KCNQ1: variants seen among roughly 807,000 people sequenced by gnomAD.
The protein encoded by KCNQ1 is potassium voltage-gated channel subfamily Q member 1.
In KCNQ1, 49 loss-of-function variants were observed where a neutral mutation model predicts 72.4. That is an observed-to-expected ratio of 0.68 (90% CI 0.54 to 0.86). The LOEUF (loss-of-function observed/expected upper bound fraction) is 0.86. Ranked by LOEUF, KCNQ1 falls within the 40% of genes least tolerant of loss-of-function variation. The probability of loss-of-function intolerance (pLI) is 0.00; values close to 1 mark genes in which losing one functional copy is unlikely to be tolerated. For missense variants in KCNQ1, 790 were observed against 945.1 expected (o/e 0.84, Z 2.15); for synonymous variants, 450 against 412.6 (o/e 1.09, Z -1.10).
Position 2,723,777 on chromosome 11 carries a change from G to T in KCNQ1, c.1515-45067G>T, listed in dbSNP as rs747385269. On this transcript the variant is annotated intron_variant, in intron 11 of 15. Transcript: ENST00000155840. The surrounding 1 kb of genome is among the most constrained non-coding windows in gnomAD (Gnocchi z 4.2). ...GGGGCCTCACTAACCGCTGGTGGCC[G>T]CAGGGTTCCCAGCCACTCGGTGCAC... is the stretch of plus-strand genomic sequence containing the variant. 1.3e-5 allele frequency among the ~76,000 whole-genome samples: 2 copies of T among 152,166 alleles called. No homozygotes were observed. The highest frequency in any genetic ancestry group is 4.8e-5 in the African/African-American group (2 of 41,432).
intron 2 of KCNQ1, among the ~76,000 whole-genome samples, chr11:2,531,048 G>A (rs1479197811): frequency 1.3e-5 from 2 of 152,170 alleles, no homozygotes; most frequent in Non-Finnish European, 2.9e-5. Context: ...AGCCAGGGCT[G>A]TCTGTCAGCA....
rs1053980781 is a variant in KCNQ1 at position 2,657,061 on chromosome 11, A to G, written c.1394-4900A>G. 12 of 398,478 alleles carry G rather than the reference A, an allele frequency of 3.0e-5. No individual in the cohort carries two copies. Among genetic ancestry groups the G allele is most frequent in the Admixed American group, 8.8e-5 (2 of 22,714 alleles). 24.7% of individuals were successfully genotyped at this position (398,478 alleles called of 1,614,324 possible). A position where few individuals can be genotyped will look rare whatever the true frequency, so the allele number is the denominator to read the frequency against. On this transcript the variant is annotated intron_variant, in intron 10 of 15. Coordinates refer to ENST00000155840, the MANE Select transcript of KCNQ1 (RefSeq NM_000218.3). The surrounding 1 kb of genome is among the most constrained non-coding windows in gnomAD (Gnocchi z 4.8). ...TGTGTGGGCTGTTTCCCAATGCTCA[A>G]TCCTGTCCCATTGGCCTATTTGTCT...
intron 10 of KCNQ1, chr11:2,639,483 AC>A (rs1218457885): frequency 6.6e-5 from 10 of 152,216 alleles, no homozygotes; most frequent in Admixed American, 6.6e-4. Flanking sequence ...TCCACTCCAG[AC>A]CCTGTTTGCC....
At chr11:2,469,996 T>C (rs529055930) in intron 1 of KCNQ1, among the ~76,000 whole-genome samples, 2 of 152,294 alleles carry the variant, frequency 1.3e-5, no homozygotes, top group Non-Finnish European at 1.5e-5. Flanking sequence ...GCGGTCTCAC[T>C]CTGTCGCCCA....
chr11:2,749,368 TCAGTCTGCAC>T (rs1337628919), intron 11 of KCNQ1, among the ~76,000 whole-genome samples: 1 of 151,984 alleles, frequency 6.6e-6, no homozygotes, highest in African/African-American at 2.4e-5. Context: ...TCAGTGTCAC[TCAGTCTGCAC>T]TGGGAATGGG....
Position 2,696,575 on chromosome 11 carries a change from A to C in KCNQ1, c.1514+34494A>C, listed in dbSNP as rs190538266. ...TTTTCTTCCACATACATTTTAGAAT[A>C]TGTTTGTTAAATTACTCAAGCCCTC... On this transcript the variant is annotated intron_variant, in intron 11 of 15. Transcript: ENST00000155840. 3.3e-4 allele frequency: 130 copies of C among 398,656 alleles called. No individual in the cohort carries two copies. The East Asian group carries it at 4.6e-3, about 14-fold the overall frequency. The allele number at this position is 398,656 out of a possible 1,614,324, so 24.7% of individuals were successfully genotyped here.
intron 10 of KCNQ1, chr11:2,641,542 T>C (rs1849577001): frequency 2.5e-6 from 1 of 398,532 alleles, no homozygotes; most frequent in East Asian, 3.6e-5. Flanking sequence ...ATTAGTACCT[T>C]GTCAGATGAG....
intron 10 of KCNQ1, chr11:2,640,940 G>T (rs1191922675): frequency 5.0e-5 from 20 of 398,856 alleles, no homozygotes; most frequent in Admixed American, 2.6e-4. Context: ...ATCTTTCTGT[G>T]CCTGGCTTAA....
intron 7 of KCNQ1, 121 bp downstream of exon 7, chr11:2,583,666 C>T: frequency 1.3e-6 from 1 of 760,192 alleles, no homozygotes; most frequent in Non-Finnish European, 2.4e-6. Flanking sequence ...TGCTTCCCTT[C>T]TAGAAGGTGC....
In KCNQ1 at chr11:2,669,297, C is replaced by T. The variant is rs1850139959; in HGVS notation, c.1514+7216C>T. 1.0e-5 allele frequency: 4 copies of T among 398,560 alleles called. No homozygotes were observed. In the South Asian group the frequency reaches 3.8e-4, roughly 38 times the overall value. 24.7% of individuals were successfully genotyped at this position (398,560 alleles called of 1,614,324 possible). ...CTTTGCAGGGTTTCTCCTCACCATA[C>T]ATATGCCAGTTGCCATGGAAAGCCT... On this transcript the variant is annotated intron_variant, in intron 11 of 15. Transcript: ENST00000155840. This position sits in a 1 kb window ranked among gnomAD's most constrained non-coding sequence, Gnocchi z 5.6.
intron 11 of KCNQ1, among the ~76,000 whole-genome samples, chr11:2,731,676 C>A (rs1590057852): frequency 6.6e-6 from 1 of 152,244 alleles, no homozygotes; most frequent in South Asian, 2.1e-4. Flanking sequence ...GCAGCGCACA[C>A]AGGAGGGCCT....
At chr11:2,561,919 C>T (rs1311508641) in intron 2 of KCNQ1, among the ~76,000 whole-genome samples, 1 of 152,064 alleles carries the variant, frequency 6.6e-6, no homozygotes, top group African/African-American at 2.4e-5. Context: ...TCACGGGCTG[C>T]ACGTTCCATG....
At chr11:2,693,932 G>A (rs555053144) in intron 11 of KCNQ1, 27 of 398,718 alleles carry the variant, frequency 6.8e-5, no homozygotes, top group African/African-American at 3.5e-4. Context: ...TCCGGTATCC[G>A]CTGAGAACCA....
chr11:2,760,292 C>T (rs1328386095), intron 11 of KCNQ1, among the ~76,000 whole-genome samples: 4 of 152,176 alleles, frequency 2.6e-5, no homozygotes, highest in Admixed American at 1.3e-4. Context: ...GGCAGGCGGG[C>T]GTGGAGGAGC....
intron 15 of KCNQ1, among the ~76,000 whole-genome samples, chr11:2,847,377 C>T (rs1035627768): frequency 6.6e-5 from 10 of 152,228 alleles, no homozygotes; most frequent in Admixed American, 2.0e-4. Context: ...CAAAGGCTGC[C>T]GCAAACCCAA....
chr11:2,709,313 C>T (rs1247745789), intron 11 of KCNQ1, among the ~76,000 whole-genome samples: 1 of 140,220 alleles, frequency 7.1e-6, no homozygotes, highest in Non-Finnish European at 1.5e-5. Flanking sequence ...AACCTGGGAA[C>T]CGTGCAGCAA....
At chr11:2,680,312 C>G in intron 11 of KCNQ1, 1 of 343,954 alleles carries the variant, frequency 2.9e-6, no homozygotes, top group Non-Finnish European at 4.7e-6. Flanking sequence ...TGAAGAATTG[C>G]CTTCCCCACC....
chr11:2,509,347 T>C lies in KCNQ1; in HGVS notation c.387-18581T>C, dbSNP rs1847155879. On this transcript the variant is annotated intron_variant, in intron 1 of 15. Coordinates refer to ENST00000155840, the MANE Select transcript of KCNQ1 (RefSeq NM_000218.3). The surrounding 1 kb of genome is among the most constrained non-coding windows in gnomAD (Gnocchi z 6.3). ...TTCCCCTCCATGTTCAAGTTCAGCA[T>C]CTCTGCACCCCTTGCCTGGCAAACC... Among the ~76,000 whole-genome samples, 1 of 152,172 alleles carries C rather than the reference T, an allele frequency of 6.6e-6. No individual in the cohort carries two copies.
At position 2,537,218 on chromosome 11, in the gene KCNQ1, G is replaced by A. The variant is rs1167051990; in HGVS notation, c.477+9200G>A. On this transcript the variant is annotated intron_variant, in intron 2 of 15. Coordinates refer to ENST00000155840, the MANE Select transcript of KCNQ1 (RefSeq NM_000218.3). This position sits in a 1 kb window ranked among gnomAD's most constrained non-coding sequence, Gnocchi z 5.2. ...GTAAATAAAGCTTTATTAGCACACAGCACCACATACTTGAGGGCCTAATGC... is the reference window on the plus strand; with the variant it reads ...GTAAATAAAGCTTTATTAGCACACAACACCACATACTTGAGGGCCTAATGC... Among the ~76,000 whole-genome samples the A allele has an allele frequency of 6.6e-6, 1 of 152,124 alleles. No individual in the cohort carries two copies. The highest frequency in any genetic ancestry group is 1.5e-5 in the Non-Finnish European group (1 of 68,038).
Sources: allele counts gnomAD v4.1 joint callset (sites outside exome capture counted in the v4.1 genomes callset), GRCh38; gene constraint gnomAD v4.1.1; non-coding constraint Gnocchi (gnomAD v3.1); transcripts MANE v1.5; gene names NCBI Gene and HGNC (gene_info 2026-07-23, HGNC 2026-07-21).